CPED1: variants seen among roughly 807,000 people sequenced by gnomAD.
CPED1 encodes cadherin like and PC-esterase domain containing 1, also known as cadherin-like and PC-esterase domain-containing protein 1.
A neutral mutation model predicts 128.2 loss-of-function variants in CPED1; 114 were observed. That is an observed-to-expected ratio of 0.89 (90% CI 0.76 to 1.04). The LOEUF (loss-of-function observed/expected upper bound fraction) is 1.04. Ranked by LOEUF, CPED1 falls within the 50% of genes least tolerant of loss-of-function variation. The pLI is 0.00. For missense variants in CPED1, 1,211 were observed against 1,207.1 expected (o/e 1.00, Z -0.05); for synonymous variants, 462 against 426.7 (o/e 1.08, Z -1.02).
rs369140082 is a variant in CPED1 at position 121,130,133 on chromosome 7, A to G, written c.1416A>G (p.Pro472=). The G allele has an allele frequency of 2.5e-6, 4 of 1,611,862 alleles. No homozygotes were observed. Among genetic ancestry groups the G allele is most frequent in the South Asian group, 2.2e-5 (2 of 90,998 alleles). Residue 472 remains proline, a synonymous_variant, in exon 12 of 23, where the codon CCA becomes CCG. Transcript: ENST00000310396. ...GSLGQFQLLF[P]STTPGIQSLM... ...ATATTTTGTGTTCTCAGCTCTTCCC[A>G]TCTACTACTCCTGGGATTCAGTCAC...
intron 2 of CPED1, among the ~76,000 whole-genome samples, chr7:121,015,304 G>A (rs914626382): frequency 1.4e-4 from 22 of 152,330 alleles, no homozygotes; most frequent in African/African-American, 4.6e-4. Context: ...GCTATTAAAA[G>A]ATAATGCAGT....
intron 16 of CPED1, among the ~76,000 whole-genome samples, chr7:121,152,233 C>T (rs1796175810): frequency 6.6e-6 from 1 of 152,084 alleles, no homozygotes; most frequent in African/African-American, 2.4e-5. Context: ...TTTACCTCCT[C>T]CACATCCCCC....
chr7:121,168,664 C>A (rs1796587249), intron 16 of CPED1, among the ~76,000 whole-genome samples: 1 of 152,112 alleles, frequency 6.6e-6, no homozygotes, highest in East Asian at 1.9e-4. Flanking sequence ...ATTGTGATAT[C>A]AAATACTAGG....
intron 22 of CPED1, among the ~76,000 whole-genome samples, chr7:121,274,016 G>T (rs138379734): frequency 7.9e-5 from 12 of 152,182 alleles, no homozygotes; most frequent in African/African-American, 2.9e-4. Flanking sequence ...CTTTTAGAAA[G>T]AATTTTTATT....
intron 3 of CPED1, among the ~76,000 whole-genome samples, chr7:121,031,141 T>C (rs1364136953): frequency 5.3e-5 from 8 of 152,220 alleles, no homozygotes; most frequent in Non-Finnish European, 1.0e-4. Flanking sequence ...ATACACCATA[T>C]TTTTAAACAA....
chr7:121,200,334 G>A (rs1797369116), intron 16 of CPED1, among the ~76,000 whole-genome samples: 1 of 152,066 alleles, frequency 6.6e-6, no homozygotes, highest in East Asian at 1.9e-4. Flanking sequence ...AACCTCAGAT[G>A]TGTCAATGCA....
chr7:121,132,024 A>T (rs1288783922), intron 12 of CPED1, among the ~76,000 whole-genome samples: 1 of 151,826 alleles, frequency 6.6e-6, no homozygotes, highest in Non-Finnish European at 1.5e-5. Flanking sequence ...ATAGTGAGAC[A>T]AGTAAACCTT....
At chr7:121,053,312 C>T (rs923655742) in intron 4 of CPED1, among the ~76,000 whole-genome samples, 7 of 152,050 alleles carry the variant, frequency 4.6e-5, no homozygotes, top group African/African-American at 9.7e-5. Flanking sequence ...CGATCTGATG[C>T]AATTTTTTTT....
chr7:121,126,802 A>G (rs1441721456), intron 9 of CPED1, among the ~76,000 whole-genome samples: 1 of 152,110 alleles, frequency 6.6e-6, no homozygotes, highest in Non-Finnish European at 1.5e-5. Context: ...AATGTTATGT[A>G]TTATCTTCCA....
At chr7:121,047,532 C>G (rs1793229658) in intron 4 of CPED1, among the ~76,000 whole-genome samples, 2 of 152,002 alleles carry the variant, frequency 1.3e-5, no homozygotes, top group South Asian at 2.1e-4. Flanking sequence ...ATACCTATAA[C>G]GAATCTGTAC....
At chr7:121,220,599 C>A (rs1003663854) in intron 16 of CPED1, among the ~76,000 whole-genome samples, 8 of 151,978 alleles carry the variant, frequency 5.3e-5, no homozygotes, top group African/African-American at 1.9e-4. Context: ...GAAACAAATA[C>A]AACTTCAAAG....
chr7:121,057,321 G>T (rs942983750), intron 4 of CPED1, among the ~76,000 whole-genome samples: 3 of 152,098 alleles, frequency 2.0e-5, no homozygotes, highest in Non-Finnish European at 4.4e-5. Flanking sequence ...AGATTCAGGA[G>T]TACATGTGTA....
At chr7:121,275,255 A>C (rs1237128191) in intron 22 of CPED1, among the ~76,000 whole-genome samples, 1 of 152,126 alleles carries the variant, frequency 6.6e-6, no homozygotes, top group Non-Finnish European at 1.5e-5. Flanking sequence ...AAGGCACCAA[A>C]AGAGAATATG....
chr7:121,095,156 G>T (rs544416558), intron 5 of CPED1, among the ~76,000 whole-genome samples: 2 of 152,098 alleles, frequency 1.3e-5, no homozygotes, highest in Admixed American at 6.6e-5. Flanking sequence ...ACAGAAGGTC[G>T]TTTGAGCATT....
At chr7:121,266,059 G>A (rs1378810004) in intron 18 of CPED1, among the ~76,000 whole-genome samples, 168 bp from the exon 19 acceptor site, 1 of 152,000 alleles carries the variant, frequency 6.6e-6, no homozygotes, top group East Asian at 1.9e-4. Context: ...AGATGAAAAG[G>A]AACAGGTTTG....
chr7:121,188,112 T>C (rs1797045289), intron 16 of CPED1, among the ~76,000 whole-genome samples: 1 of 152,174 alleles, frequency 6.6e-6, no homozygotes, highest in Non-Finnish European at 1.5e-5. Context: ...GTTTGTCTTT[T>C]AGAAATATAT....
Position 121,140,989 on chromosome 7 carries a change from A to C in CPED1, c.1862A>C (p.His621Pro), listed in dbSNP as rs368368286. 4 of 1,611,154 alleles carry C rather than the reference A, an allele frequency of 2.5e-6. No homozygotes were observed. Among genetic ancestry groups the C allele is most frequent in the Non-Finnish European group, 3.4e-6 (4 of 1,178,776 alleles). ...ACTCCTAAGTGTCTGTGCAAGGTGC[A>C]CCTGTACGAGCAGGCAGGGCCAAGG... Reference protein sequence around the residue: ...VETPKCLCKVHLYEQAGPSFA... With the variant: ...VETPKCLCKVPLYEQAGPSFA... Residue 621 changes from histidine (H) to proline (P), a missense_variant, in exon 15 of 23, where the codon CAC (histidine) becomes CCC (proline). Transcript: ENST00000310396.
rs1792811579 is a variant in CPED1 at position 121,295,751 on chromosome 7, G to A, written c.*99G>A. 3.3e-6 allele frequency: 3 copies of A among 919,700 alleles called. No individual in the cohort carries two copies. Among genetic ancestry groups the A allele is most frequent in the Non-Finnish European group, 1.7e-6 (1 of 579,246 alleles). 57.0% of individuals were successfully genotyped at this position (919,700 alleles called of 1,614,324 possible). A position where few individuals can be genotyped will look rare whatever the true frequency, so the allele number is the denominator to read the frequency against. ...CTGCACATCGCACACATTTGGGATC[G>A]ACCACACACACTTGTGCACACCAGC... On this transcript the variant is annotated 3_prime_UTR_variant, in exon 23 of 23. Transcript: ENST00000310396.
chr7:121,124,227 C>A, intron 7 of CPED1, 104 bp from the exon 8 acceptor site: 1 of 1,021,748 alleles, frequency 9.8e-7, no homozygotes. Flanking sequence ...TTGGGTGTGA[C>A]AAGTAGAGAT....
Sources: allele counts gnomAD v4.1 joint callset (sites outside exome capture counted in the v4.1 genomes callset), GRCh38; gene constraint gnomAD v4.1.1; transcripts MANE v1.5; gene names NCBI Gene and HGNC (gene_info 2026-07-23, HGNC 2026-07-21).